Variants in ATXN2 observed in about 807,000 individuals in gnomAD.
ATXN2 encodes ataxin 2.
In ATXN2, 37 loss-of-function variants were observed where a neutral mutation model predicts 138.6. The observed-to-expected ratio is 0.27, with a 90% confidence interval of 0.21 to 0.35. The LOEUF (loss-of-function observed/expected upper bound fraction) is 0.35, where lower values mean the gene tolerates loss of function less well. ATXN2 is among the 10% of genes least tolerant of loss of function. The pLI, the probability that ATXN2 is intolerant of heterozygous loss-of-function variation, is 1.00. For missense variants in ATXN2, 1,216 were observed against 1,480.3 expected, an observed-to-expected ratio of 0.82 and a Z score of 2.93; for synonymous variants, 549 against 543.7, an observed-to-expected ratio of 1.01 and a Z score of -0.13.
intron 5 of ATXN2, among the ~76,000 whole-genome samples, chr12:111,549,657 G>C (rs553993343): frequency 1.8e-4 from 27 of 152,304 alleles, no homozygotes; most frequent in Non-Finnish European, 3.2e-4. Flanking sequence ...ATTTCTGCCT[G>C]GATAGTCTTA....
chr12:111,581,478 C>G, intron 1 of ATXN2: 1 of 954,780 alleles, frequency 1.0e-6, no homozygotes, highest in Non-Finnish European at 1.7e-6. Flanking sequence ...GTGCTGGGGG[C>G]ACCCCACAAC....
At chr12:111,564,382 G>A (rs1390646454) in intron 1 of ATXN2, among the ~76,000 whole-genome samples, 3 of 151,862 alleles carry the variant, frequency 2.0e-5, no homozygotes, top group Non-Finnish European at 4.4e-5. Context: ...TCAGGGGTCA[G>A]GACACTACAG....
chr12:111,521,068 A>C, intron 6 of ATXN2, 95 bp from the exon 7 acceptor site: 1 of 781,206 alleles, frequency 1.3e-6, no homozygotes, highest in East Asian at 3.0e-5. Flanking sequence ...TATCTAACAA[A>C]CTACTTGAGC....
rs934643068 is a variant in ATXN2 at position 111,516,986 on chromosome 12, T to C, written c.1166-623A>G. ...TGTGAGTATCAAATGATAATATTCATTGCTATTTCAAAAAAAAAGTCTTGA... is the reference window on the plus strand; with the variant it reads ...TGTGAGTATCAAATGATAATATTCACTGCTATTTCAAAAAAAAAGTCTTGA... On this transcript the variant is annotated intron_variant, in intron 9 of 24. Coordinates refer to ENST00000673436, the MANE Select transcript of ATXN2 (RefSeq NM_001372574.1). The surrounding 1 kb of genome is among the most constrained non-coding windows in gnomAD (Gnocchi z 5.0). Among the ~76,000 whole-genome samples, 3 of 152,078 alleles carry C rather than the reference T, an allele frequency of 2.0e-5. No individual in the cohort carries two copies. Among genetic ancestry groups the C allele is most frequent in the African/African-American group, 7.2e-5 (3 of 41,410 alleles).
intron 1 of ATXN2, among the ~76,000 whole-genome samples, chr12:111,573,870 CTTT>C (rs778132052): frequency 7.3e-6 from 1 of 136,546 alleles, no homozygotes. Flanking sequence ...TTTTTTCTTT[CTTT>C]TTTTTTTTTT....
At chr12:111,596,245 C>CACACACAA (rs3223414) in intron 1 of ATXN2, among the ~76,000 whole-genome samples, 1 of 124,322 alleles carries the variant, frequency 8.0e-6, no homozygotes, top group Non-Finnish European at 1.8e-5. Context: ...CACACACACA[C>CACACACAA]AAAATTAGAT....
chr12:111,490,052 A>G (rs1877920864), intron 14 of ATXN2, among the ~76,000 whole-genome samples: 1 of 151,564 alleles, frequency 6.6e-6, no homozygotes, highest in African/African-American at 2.4e-5. Flanking sequence ...AAGATAAAAA[A>G]AAAAAATTAG....
At chr12:111,585,467 T>C (rs2135838651) in intron 1 of ATXN2, among the ~76,000 whole-genome samples, 1 of 148,302 alleles carries the variant, frequency 6.7e-6, no homozygotes, top group East Asian at 2.0e-4. Context: ...GGGCCAAGAT[T>C]GTACCATTGC....
intron 14 of ATXN2, among the ~76,000 whole-genome samples, chr12:111,508,245 T>C (rs1267959896): frequency 1.3e-5 from 2 of 151,258 alleles, no homozygotes; most frequent in Non-Finnish European, 2.9e-5. Context: ...AGTATAAATA[T>C]AAAGAACTGC....
intron 18 of ATXN2, among the ~76,000 whole-genome samples, chr12:111,484,702 C>T (rs1877514873): frequency 6.6e-6 from 1 of 151,786 alleles, no homozygotes; most frequent in Admixed American, 6.6e-5. Flanking sequence ...TCCCAAAGTG[C>T]TGGGATTACA....
At chr12:111,533,533 C>CAG (rs10632091) in intron 5 of ATXN2, among the ~76,000 whole-genome samples, 15,363 of 151,022 alleles carry the variant, frequency 0.1, 2,615 homozygotes, top group African/African-American at 0.35. Flanking sequence ...TCTTTTCAGA[C>CAG]AGTTTTTTTT....
intron 1 of ATXN2, among the ~76,000 whole-genome samples, chr12:111,563,070 C>CA (rs531386532): frequency 7.0e-4 from 106 of 152,132 alleles, no homozygotes; most frequent in Non-Finnish European, 1.2e-3. Context: ...GTATTCCTGC[C>CA]AAAAATAAAT....
upstream of ATXN2, chr12:111,599,439 G>A (rs1885155582): frequency 8.4e-7 from 1 of 1,192,944 alleles, no homozygotes; most frequent in South Asian, 4.0e-5. Context: ...CGCCACCCGG[G>A]CCACCTGGCT....
At chr12:111,472,188 G>A (rs1166584002) in intron 18 of ATXN2, among the ~76,000 whole-genome samples, 1 of 152,124 alleles carries the variant, frequency 6.6e-6, no homozygotes, top group African/African-American at 2.4e-5. Context: ...GAACTTTTCA[G>A]CCAGGGAGGC....
intron 5 of ATXN2, among the ~76,000 whole-genome samples, chr12:111,546,663 A>T (rs1881813943): frequency 6.6e-6 from 1 of 152,172 alleles, no homozygotes. Flanking sequence ...GGAAAAAAAT[A>T]GAGGAGAAAG....
At chr12:111,457,088 C>T (rs1163089578) in intron 22 of ATXN2, 126 bp downstream of exon 22, 20 of 1,208,450 alleles carry the variant, frequency 1.7e-5, no homozygotes, top group Non-Finnish European at 2.3e-5. Context: ...AGGGGCACAG[C>T]TGTATCCATC....
chr12:111,481,170 C>T (rs1182985030), intron 18 of ATXN2, among the ~76,000 whole-genome samples: 2 of 151,884 alleles, frequency 1.3e-5, no homozygotes, highest in African/African-American at 2.4e-5. Context: ...ATGGGCCGAG[C>T]GCGGTGGTGC....
intron 14 of ATXN2, among the ~76,000 whole-genome samples, chr12:111,508,025 A>T (rs1879272338): frequency 6.6e-6 from 1 of 152,168 alleles, no homozygotes; most frequent in African/African-American, 2.4e-5. Flanking sequence ...AACACTGCGG[A>T]AGGCCGCAGG....
At chr12:111,539,043 GA>G (rs1297362404) in intron 5 of ATXN2, among the ~76,000 whole-genome samples, 1 of 150,300 alleles carries the variant, frequency 6.7e-6, no homozygotes. Flanking sequence ...AGAAGTTTTA[GA>G]AAAGATTCCA....
Sources: allele counts gnomAD v4.1 joint callset (sites outside exome capture counted in the v4.1 genomes callset), GRCh38; gene constraint gnomAD v4.1.1; non-coding constraint Gnocchi (gnomAD v3.1); transcripts MANE v1.5; gene names NCBI Gene and HGNC (gene_info 2026-07-23, HGNC 2026-07-21).